The following TMEM131 variants were observed in gnomAD, a reference collection of about 807,000 sequenced individuals.
TMEM131 encodes the protein 2610524E03Rik.
TMEM131 carries 66 observed loss-of-function variants against 211.6 expected under a neutral mutation model. That is an observed-to-expected ratio of 0.31 (90% CI 0.26 to 0.38). The LOEUF is 0.38. Among genes scored for constraint, TMEM131 ranks in the 10% least tolerant of loss-of-function variants. The pLI, the probability that TMEM131 is intolerant of heterozygous loss-of-function variation, is 1.00. For missense variants in TMEM131, 2,036 were observed against 2,299.3 expected (o/e 0.89, Z 2.34); for synonymous variants, 844 against 841.3 (o/e 1.00, Z -0.06).
chr2:97,806,993 G>A lies in TMEM131; in HGVS notation c.2056-1290C>T, dbSNP rs918339662. Among the ~76,000 whole-genome samples the A allele has an allele frequency of 3.9e-5, 6 of 152,140 alleles. 1 individual carries two copies. In the East Asian group the frequency reaches 1.2e-3, roughly 29 times the overall value. ...CGTACTTGAAATAACTACTTCCCTC[G>A]TGCCTTGTCTCTTGGGGGTGTGGGG... On this transcript the variant is annotated intron_variant, in intron 19 of 40. Transcript: ENST00000186436.
At chr2:97,804,621 CA>C (rs71386034) in intron 22 of TMEM131, among the ~76,000 whole-genome samples, 22,489 of 71,968 alleles carry the variant, frequency 0.31, 1,405 homozygotes, top group Non-Finnish European at 0.4. Context: ...GACTCCGTCT[CA>C]AAAAAAAAAA....
At chr2:97,870,262 A>G (rs1210497088) in intron 4 of TMEM131, among the ~76,000 whole-genome samples, 1 of 152,210 alleles carries the variant, frequency 6.6e-6, no homozygotes, top group Non-Finnish European at 1.5e-5. Flanking sequence ...GAATGTATGT[A>G]CAGGTACATT....
At position 97,837,141 on chromosome 2, in the gene TMEM131, G is replaced by A. The variant is rs939872241; in HGVS notation, c.740C>T (p.Ser247Phe). The change falls in exon 8 of 41, where the codon TCT (serine) becomes TTT (phenylalanine). Residue 247 changes from serine to phenylalanine, a missense_variant. By Grantham distance (155) the Ser-to-Phe change is radical. Around this residue, in one of 3 missense-constraint regions of TMEM131, gnomAD observed 277 missense variants for 378.0 expected, o/e 0.73. Transcript: ENST00000186436. ...TTCTAGGTGAAGGTCTCCTCCACTA[G>A]AGTACATTTCTACAACCTGGGGCAA... ...SEPLQVVEMY[S>F]SGGDLHLELP... The A allele has an allele frequency of 6.3e-7, 1 of 1,599,730 alleles. No individual in the cohort carries two copies. The highest frequency in any genetic ancestry group is 1.1e-5 in the South Asian group (1 of 88,558).
intron 5 of TMEM131, among the ~76,000 whole-genome samples, chr2:97,849,821 T>C (rs964693125): frequency 6.6e-6 from 1 of 151,026 alleles, no homozygotes; most frequent in Non-Finnish European, 1.5e-5. Context: ...AGGGTCTCAG[T>C]GTTCATGTTC....
At chr2:97,954,875 T>C (rs921496344) in intron 1 of TMEM131, among the ~76,000 whole-genome samples, 1 of 134,454 alleles carries the variant, frequency 7.4e-6, no homozygotes, top group African/African-American at 2.8e-5. Flanking sequence ...CAGGCCAAAA[T>C]GGCTTTACTG....
intron 4 of TMEM131, among the ~76,000 whole-genome samples, chr2:97,882,200 AACTTG>A (rs1436356092): frequency 6.6e-6 from 1 of 152,196 alleles, no homozygotes; most frequent in Non-Finnish European, 1.5e-5. Flanking sequence ...TTGTGATATC[AACTTG>A]ACTTGAACTA....
chr2:97,981,899 T>C (rs892202347), intron 1 of TMEM131, among the ~76,000 whole-genome samples: 2 of 152,258 alleles, frequency 1.3e-5, no homozygotes, highest in African/African-American at 4.8e-5. Context: ...ACTTCACTCA[T>C]TTCTATGGCT....
At chr2:97,873,398 C>A (rs1185161269) in intron 4 of TMEM131, among the ~76,000 whole-genome samples, 2 of 151,952 alleles carry the variant, frequency 1.3e-5, no homozygotes, top group African/African-American at 4.9e-5. Flanking sequence ...TCGAGCTCTG[C>A]TGAAGGTCAG....
chr2:97,823,451 T>C (rs796872004), intron 11 of TMEM131, among the ~76,000 whole-genome samples: 6 of 152,338 alleles, frequency 3.9e-5, no homozygotes, highest in African/African-American at 1.4e-4. Context: ...AGAGATGTCA[T>C]GCTATTGTTA....
chr2:97,948,210 T>A (rs887346370), intron 1 of TMEM131, among the ~76,000 whole-genome samples: 4 of 151,494 alleles, frequency 2.6e-5, no homozygotes, highest in African/African-American at 4.8e-5. Flanking sequence ...GATTAAAAAT[T>A]TTTTTTTTAG....
At chr2:97,847,070 T>TGGGGGGGGGGGGGGGG in intron 5 of TMEM131, among the ~76,000 whole-genome samples, 1 of 23,032 alleles carries the variant, frequency 4.3e-5, no homozygotes, top group South Asian at 2.9e-3. Flanking sequence ...TCCCAGCTAC[T>TGGGGGGGGGGGGGGGG]GGGGGGGGGG....
intron 4 of TMEM131, among the ~76,000 whole-genome samples, chr2:97,884,043 G>T (rs1675040621): frequency 6.6e-6 from 1 of 150,710 alleles, no homozygotes; most frequent in South Asian, 2.1e-4. Context: ...CTAGTTTTTT[G>T]ATGTAGGATT....
At chr2:97,876,530 G>A (rs1674703573) in intron 4 of TMEM131, among the ~76,000 whole-genome samples, 1 of 152,118 alleles carries the variant, frequency 6.6e-6, no homozygotes, top group African/African-American at 2.4e-5. Flanking sequence ...TCCCTGGGGT[G>A]GAAAGGCTGG....
Position 97,766,443 on chromosome 2 carries a change from G to C in TMEM131, c.4573+35C>G, listed in dbSNP as rs374567216. ...AATACGGTGCACTATGAAAAGATCC[G>C]TAAGACATGATCATAGAGAACAAGA... On this transcript the variant is annotated intron_variant, in intron 34 of 40. Transcript: ENST00000186436. 8 of 1,613,584 alleles carry C rather than the reference G, an allele frequency of 5.0e-6. No homozygotes were observed. In the South Asian group the frequency reaches 7.7e-5, roughly 16 times the overall value.
intron 2 of TMEM131, among the ~76,000 whole-genome samples, chr2:97,923,168 A>G (rs1676817280): frequency 6.6e-6 from 1 of 152,170 alleles, no homozygotes; most frequent in Non-Finnish European, 1.5e-5. Context: ...ACACGCCTGT[A>G]ATCCTGGTGG....
chr2:97,772,667 A>G (rs1320707276), intron 32 of TMEM131, among the ~76,000 whole-genome samples: 1 of 152,228 alleles, frequency 6.6e-6, no homozygotes, highest in Non-Finnish European at 1.5e-5. Flanking sequence ...AAGCCGAGGC[A>G]GGTGGATTGC....
At chr2:97,905,897 C>T (rs1676046120) in intron 3 of TMEM131, among the ~76,000 whole-genome samples, 1 of 152,176 alleles carries the variant, frequency 6.6e-6, no homozygotes, top group South Asian at 2.1e-4. Flanking sequence ...CTGCCAATAT[C>T]CTCTGGCCGT....
At chr2:97,837,205 A>C in intron 7 of TMEM131, 48 bp from the exon 8 acceptor site, 1 of 1,396,740 alleles carries the variant, frequency 7.2e-7, no homozygotes. Flanking sequence ...CATATTCTCA[A>C]AGCAGGTGAC....
At chr2:97,923,628 T>TTTA (rs1491415827) in intron 2 of TMEM131, among the ~76,000 whole-genome samples, 1 of 30,186 alleles carries the variant, frequency 3.3e-5, no homozygotes, top group African/African-American at 9.4e-5. Context: ...TCTTTTTTTT[T>TTTA]AAAAAAAAAA....
Sources: gnomAD v4.1 joint callset for allele counts (sites outside exome capture counted in the v4.1 genomes callset) on GRCh38, gnomAD v4.1.1 for gene constraint, gnomAD v4.1.1 regional missense constraint, MANE v1.5 for transcripts, NCBI Gene and HGNC (gene_info 2026-07-23, HGNC 2026-07-21) for gene names.